Variants in RNFT2 observed in about 807,000 individuals in gnomAD.
RNFT2 encodes the protein E3 ubiquitin-protein ligase RNFT2.
In RNFT2, 36 loss-of-function variants were observed where a neutral mutation model predicts 53.0. That is an observed-to-expected ratio of 0.68 (90% CI 0.52 to 0.90). The LOEUF (loss-of-function observed/expected upper bound fraction) is 0.90, where lower values mean the gene tolerates loss of function less well. Ranked by LOEUF, RNFT2 falls within the 40% of genes least tolerant of loss-of-function variation. The probability of loss-of-function intolerance (pLI) is 0.00; values close to 1 mark genes in which losing one functional copy is unlikely to be tolerated. For synonymous variants in RNFT2, 260 were observed against 253.2 expected (o/e 1.03, Z -0.26); for missense variants, 514 against 585.6 (o/e 0.88, Z 1.26).
In RNFT2 at chr12:116,852,284, C is replaced by T. The variant is rs1057048057; in HGVS notation, c.*2836C>T. On this transcript the variant is annotated 3_prime_UTR_variant, in exon 11 of 11. Coordinates refer to ENST00000257575, the MANE Select transcript of RNFT2 (RefSeq NM_001382266.1). ...CAGGAGAAATGGAGGAGCTTTGTAG[C>T]CACCTCGCTGTCAGCCAGTATTAAC... 9.5e-6 allele frequency: 12 copies of T among 1,259,868 alleles called. No homozygotes were observed. Among genetic ancestry groups the T allele is most frequent in the Non-Finnish European group, 1.2e-5 (12 of 1,000,312 alleles). 78.0% of individuals were successfully genotyped at this position (1,259,868 alleles called of 1,614,324 possible). A position where few individuals can be genotyped will look rare whatever the true frequency, so the allele number is the denominator to read the frequency against.
chr12:116,776,007 C>T (rs1275059668), intron 6 of RNFT2, among the ~76,000 whole-genome samples: 3 of 151,920 alleles, frequency 2.0e-5, no homozygotes, highest in Non-Finnish European at 4.4e-5. Flanking sequence ...TGTGACACTG[C>T]ACTCCAGCCT....
Position 116,836,169 on chromosome 12 carries a change from C to A in RNFT2, c.1099-12C>A. On this transcript the variant is annotated splice_polypyrimidine_tract_variant and intron_variant, in intron 9 of 10. Transcript: ENST00000257575. ...CGCCCATAGCTGTATTTGCTTCTCC[C>A]CTCCCTCAAAGAACTATGGAGTCCG... The A allele has an allele frequency of 6.3e-7, 1 of 1,592,682 alleles. No individual in the cohort carries two copies. The highest frequency in any genetic ancestry group is 2.3e-5 in the East Asian group (1 of 43,930).
chr12:116,774,591 G>A (rs1202800344), intron 6 of RNFT2, among the ~76,000 whole-genome samples: 3 of 152,182 alleles, frequency 2.0e-5, no homozygotes, highest in African/African-American at 7.2e-5. Context: ...CTAGGACAGG[G>A]ATGAAACTCA....
At position 116,740,515 on chromosome 12, in the gene RNFT2, G is replaced by C; in HGVS notation, c.18G>C (p.Val6=). 2 of 1,572,392 alleles carry C rather than the reference G, an allele frequency of 1.3e-6. No individual in the cohort carries two copies. The highest frequency in any genetic ancestry group is 1.7e-6 in the Non-Finnish European group (2 of 1,157,532). MWLFT[V]NQVLRKMQRR... is the part of the protein sequence containing the mutation. ...TGAAGTCCATGTGGCTCTTCACAGTGAATCAGGTGACACGTCTCCAAGAGA... is the reference window on the plus strand; with the variant it reads ...TGAAGTCCATGTGGCTCTTCACAGTCAATCAGGTGACACGTCTCCAAGAGA... The change falls in exon 2 of 11, where the codon GTG becomes GTC. Residue 6 remains valine (V), a synonymous_variant. Coordinates refer to ENST00000257575, the MANE Select transcript of RNFT2 (RefSeq NM_001382266.1).
intron 6 of RNFT2, among the ~76,000 whole-genome samples, chr12:116,771,276 A>G (rs917416653): frequency 2.6e-5 from 4 of 151,764 alleles, no homozygotes; most frequent in African/African-American, 9.7e-5. Context: ...CCTGGGCAAC[A>G]TGGTGAGACT....
Position 116,800,829 on chromosome 12 carries a change from A to AAAAT in RNFT2, c.882+21485_882+21488dup, listed in dbSNP as rs1491092179. Among the ~76,000 whole-genome samples the AAAAT allele has an allele frequency of 6.7e-4, 97 of 145,352 alleles. 3 individuals carry two copies. Among genetic ancestry groups the AAAAT allele is most frequent in the African/African-American group, 2.4e-3 (90 of 37,776 alleles). The stretch of plus-strand genomic sequence containing the variant: ...ACTCCATCTTAAAATAAAATAAAAT[A>AAAAT]AAATAAAATAAAATAAAATAAAATA... On this transcript the variant is annotated intron_variant, in intron 7 of 10. Transcript: ENST00000257575.
At chr12:116,741,235 G>A (rs1297324221) in intron 3 of RNFT2, 141 bp downstream of exon 3, 13 of 674,826 alleles carry the variant, frequency 1.9e-5, no homozygotes, top group Admixed American at 5.1e-5. Flanking sequence ...AACATTCAAC[G>A]CATAATAGCT....
At position 116,841,786 on chromosome 12, in the gene RNFT2, TATATATAA is replaced by T. The variant is rs1408550554; in HGVS notation, c.1200+5512_1200+5519del. ...ATATAAATATATATATATAAATATA[TATATATAA>T]ATATATATATAAATATATATATAAA... On this transcript the variant is annotated intron_variant, in intron 10 of 10. Coordinates refer to ENST00000257575, the MANE Select transcript of RNFT2 (RefSeq NM_001382266.1). 1.6e-3 allele frequency among the ~76,000 whole-genome samples: 155 copies of T among 94,418 alleles called. 6 individuals carry two copies. The highest frequency in any genetic ancestry group is 5.2e-3 in the African/African-American group (104 of 19,872). The allele number at this position is 94,418 out of a possible 152,430, so 61.9% of individuals were successfully genotyped here.
intron 6 of RNFT2, among the ~76,000 whole-genome samples, chr12:116,767,569 T>C (rs77743947): frequency 6.6e-6 from 1 of 151,564 alleles, no homozygotes; most frequent in Non-Finnish European, 1.5e-5. Flanking sequence ...AAATTATGTT[T>C]TTTTTTTGTT....
At chr12:116,787,566 A>G (rs1566081218) in intron 7 of RNFT2, among the ~76,000 whole-genome samples, 1 of 152,032 alleles carries the variant, frequency 6.6e-6, no homozygotes, top group Non-Finnish European at 1.5e-5. Context: ...ATAAAAATCA[A>G]TTAGCTGGGC....
chr12:116,750,229 G>T lies in RNFT2; in HGVS notation c.472G>T (p.Ala158Ser), dbSNP rs528542398. 5.6e-6 allele frequency: 9 copies of T among 1,607,596 alleles called. No homozygotes were observed. In the African/African-American group the frequency reaches 1.1e-4, roughly 19 times the overall value. Reference sequence around the variant, plus strand: ...CGCCCCCGCCCTGTCCGAGCTGAAGGCTGTGATCTGCTGGCTCCAGAAAGG... The same window carrying T: ...CGCCCCCGCCCTGTCCGAGCTGAAGTCTGTGATCTGCTGGCTCCAGAAAGG... ...TPAPALSELK[A>S]VICWLQKGLP... The change falls in exon 4 of 11, where the codon GCT becomes TCT. Residue 158 changes from alanine to serine, a missense_variant. This residue lies in a region of RNFT2 where 237 missense variants were observed against 235.1 expected (regional missense o/e 1.01). Transcript: ENST00000257575.
At chr12:116,764,444 T>G (rs998009971) in intron 5 of RNFT2, among the ~76,000 whole-genome samples, 2 of 152,194 alleles carry the variant, frequency 1.3e-5, no homozygotes, top group African/African-American at 4.8e-5. Flanking sequence ...GTCTGCTTTC[T>G]CAAAAGCACT....
In RNFT2 at chr12:116,852,824, A is replaced by G; in HGVS notation, c.*3376A>G. On this transcript the variant is annotated 3_prime_UTR_variant, in exon 11 of 11. Transcript: ENST00000257575. ...AGCCATCTCCAGGGTGACGGAACCC[A>G]GTGTATTACCTGCTGGAACCAAGGA... 1 of 1,035,260 alleles carries G rather than the reference A, an allele frequency of 9.7e-7. No individual in the cohort carries two copies. Among genetic ancestry groups the G allele is most frequent in the Non-Finnish European group, 1.5e-6 (1 of 668,800 alleles). 64.1% of individuals were successfully genotyped at this position (1,035,260 alleles called of 1,614,324 possible). A position where few individuals can be genotyped will look rare whatever the true frequency, so the allele number is the denominator to read the frequency against.
intron 5 of RNFT2, among the ~76,000 whole-genome samples, chr12:116,764,634 A>G (rs1323991814): frequency 2.6e-5 from 4 of 152,150 alleles, no homozygotes; most frequent in African/African-American, 4.8e-5. Flanking sequence ...GCTCACGCCT[A>G]TAATCCCAGC....
chr12:116,838,051 T>C (rs1013111379), intron 10 of RNFT2, among the ~76,000 whole-genome samples: 1 of 152,222 alleles, frequency 6.6e-6, no homozygotes, highest in Non-Finnish European at 1.5e-5. Flanking sequence ...TAGTACATTC[T>C]ACCTATGCTG....
At position 116,751,544 on chromosome 12, in the gene RNFT2, C is replaced by G. The variant is rs542199304; in HGVS notation, c.550+1237C>G. Among the ~76,000 whole-genome samples, 3 of 152,102 alleles carry G rather than the reference C, an allele frequency of 2.0e-5. No homozygotes were observed. In the East Asian group the frequency reaches 5.9e-4, roughly 30 times the overall value. ...TCAGCCTCCCGAGTGACTGGGATTA[C>G]AGGCAACCGCCACCACACCCAGCTA... On this transcript the variant is annotated intron_variant, in intron 4 of 10. Coordinates refer to ENST00000257575, the MANE Select transcript of RNFT2 (RefSeq NM_001382266.1).
chr12:116,835,892 G>A, intron 8 of RNFT2, 68 bp from the exon 9 acceptor site: 2 of 1,542,834 alleles, frequency 1.3e-6, no homozygotes, highest in East Asian at 2.3e-5. Flanking sequence ...GGATGGGGTG[G>A]GGTGATTGTG....
At chr12:116,825,180 A>G (rs931466966) in intron 7 of RNFT2, among the ~76,000 whole-genome samples, 30 of 152,216 alleles carry the variant, frequency 2.0e-4, no homozygotes, top group African/African-American at 6.7e-4. Context: ...TTCTCCTCCA[A>G]TTAGTCTCAG....
intron 6 of RNFT2, among the ~76,000 whole-genome samples, chr12:116,771,478 A>ATAT (rs1566076353): frequency 1.5e-4 from 17 of 110,416 alleles, no homozygotes; most frequent in South Asian, 3.1e-4. Context: ...AAAAAAAAAA[A>ATAT]AAAAAAAAAA....
Sources: gnomAD v4.1 joint callset for allele counts (sites outside exome capture counted in the v4.1 genomes callset) on GRCh38, gnomAD v4.1.1 for gene constraint, gnomAD v4.1.1 regional missense constraint, MANE v1.5 for transcripts, NCBI Gene and HGNC (gene_info 2026-07-23, HGNC 2026-07-21) for gene names.